UNC13C: variants seen among roughly 807,000 people sequenced by gnomAD.
The protein encoded by UNC13C is unc-13 homolog C, also known as protein unc-13 homolog C.
A neutral mutation model predicts 245.4 loss-of-function variants in UNC13C; 174 were observed. The ratio of observed to expected loss-of-function variants is 0.71; its 90% confidence interval spans 0.63 to 0.80. The LOEUF is 0.80. Among genes scored for constraint, UNC13C ranks in the 30% least tolerant of loss-of-function variants. The pLI is 0.00. For missense variants in UNC13C, 2,829 were observed against 2,602.9 expected (o/e 1.09, Z -1.89); for synonymous variants, 992 against 895.1 (o/e 1.11, Z -1.93).
intron 29 of UNC13C, among the ~76,000 whole-genome samples, chr15:54,558,751 C>T (rs770371296): frequency 5.3e-5 from 8 of 151,796 alleles, no homozygotes; most frequent in Admixed American, 3.9e-4. Flanking sequence ...TCCATTTACC[C>T]GGAAAAGCAA....
At chr15:54,129,726 A>G (rs569942586) in intron 2 of UNC13C, among the ~76,000 whole-genome samples, 2 of 151,650 alleles carry the variant, frequency 1.3e-5, no homozygotes, top group South Asian at 4.2e-4. Context: ...ACTTTTCAAA[A>G]TCTTTACTGT....
intron 16 of UNC13C, 147 bp from the exon 17 acceptor site, chr15:54,338,214 C>A: frequency 1.1e-6 from 1 of 873,340 alleles, no homozygotes. Flanking sequence ...AAAATGTTTA[C>A]ACATTTAAAA....
chr15:54,125,660 A>G (rs1376656591), intron 2 of UNC13C, among the ~76,000 whole-genome samples: 1 of 152,160 alleles, frequency 6.6e-6, no homozygotes, highest in Admixed American at 6.5e-5. Context: ...TAAGTCTCAA[A>G]CAATATTTGT....
chr15:54,442,645 T>A (rs966702659), intron 19 of UNC13C, among the ~76,000 whole-genome samples: 1 of 152,172 alleles, frequency 6.6e-6, no homozygotes, highest in Non-Finnish European at 1.5e-5. Flanking sequence ...TTGAGAAGAT[T>A]TATCATGAAA....
intron 10 of UNC13C, among the ~76,000 whole-genome samples, chr15:54,278,782 CT>C (rs1248950932): frequency 6.6e-6 from 1 of 152,068 alleles, no homozygotes; most frequent in East Asian, 1.9e-4. Context: ...ACATTTGACC[CT>C]TTTGACCTAT....
the UNC13C span, among the ~76,000 whole-genome samples, chr15:53,852,769 TTCTA>T: frequency 1.3e-5 from 2 of 152,196 alleles, no homozygotes; most frequent in African/African-American, 2.4e-5. Flanking sequence ...AGTGTTTATT[TTCTA>T]TCTATTTTTT....
chr15:54,486,548 T>A (rs1277549578), intron 19 of UNC13C, among the ~76,000 whole-genome samples: 2 of 152,134 alleles, frequency 1.3e-5, no homozygotes, highest in Admixed American at 6.6e-5. Flanking sequence ...AAATCCACAT[T>A]TTAGTCCTTA....
chr15:54,161,857 AGAATGGTTT>A (rs2032990404), intron 4 of UNC13C, among the ~76,000 whole-genome samples: 2 of 152,052 alleles, frequency 1.3e-5, no homozygotes, highest in Non-Finnish European at 2.9e-5. Flanking sequence ...CTGAGGCAGG[AGAATGGTTT>A]GAACCTGGGA....
At position 54,297,808 on chromosome 15, in the gene UNC13C, C is replaced by T. The variant is rs375279972; in HGVS notation, c.3989-3C>T. ...CTGACCAATTGCCTTTTTGCTTTAT[C>T]AGAGAAAAGGACAGATAAGTCAGCT... is the stretch of plus-strand genomic sequence containing the variant. On this transcript the variant is annotated splice_polypyrimidine_tract_variant and splice_region_variant and intron_variant, in intron 11 of 32. Transcript: ENST00000260323. 2.5e-5 allele frequency: 40 copies of T among 1,592,368 alleles called. No individual in the cohort carries two copies. Among genetic ancestry groups the T allele is most frequent in the African/African-American group, 4.0e-5 (3 of 74,268 alleles).
chr15:54,146,100 G>A (rs1426604882), intron 4 of UNC13C, among the ~76,000 whole-genome samples: 1 of 152,074 alleles, frequency 6.6e-6, no homozygotes, highest in African/African-American at 2.4e-5. Flanking sequence ...GTTTACATAT[G>A]AGCCTTCAAT....
chr15:54,205,697 C>T (rs1403694335), intron 4 of UNC13C, among the ~76,000 whole-genome samples: 2 of 151,952 alleles, frequency 1.3e-5, no homozygotes, highest in African/African-American at 4.8e-5. Context: ...AAAGCATTGT[C>T]CTGTCATCTT....
chr15:54,200,496 T>C (rs1180577382), intron 4 of UNC13C, among the ~76,000 whole-genome samples: 1 of 151,622 alleles, frequency 6.6e-6, no homozygotes, highest in Non-Finnish European at 1.5e-5. Context: ...CAGAACCCAG[T>C]GGAATAAAAT....
chr15:53,979,803 T>A (rs1893852739), intron 1 of UNC13C, among the ~76,000 whole-genome samples: 1 of 152,198 alleles, frequency 6.6e-6, no homozygotes, highest in African/African-American at 2.4e-5. Context: ...GCTAAAATTG[T>A]AAGTTTATAT....
In UNC13C at chr15:54,076,205, C is replaced by T. The variant is rs575740113; in HGVS notation, c.2983+60319C>T. On this transcript the variant is annotated intron_variant, in intron 2 of 32. Transcript: ENST00000260323. ...CATGTGCCATGCTGGTGCGCTGCAC[C>T]CACTAACTCGTCATCTAGCATTAGG... is the stretch of plus-strand genomic sequence containing the variant. 6.4e-3 allele frequency among the ~76,000 whole-genome samples: 952 copies of T among 149,734 alleles called. 15 individuals are homozygous for T. The highest frequency in any genetic ancestry group is 0.023 in the African/African-American group (921 of 40,778).
chr15:53,905,294 A>G, the UNC13C span, among the ~76,000 whole-genome samples: 1 of 152,038 alleles, frequency 6.6e-6, no homozygotes, highest in Non-Finnish European at 1.5e-5. Context: ...CAAGATATAG[A>G]AACAATCTAA....
At chr15:54,622,817 G>A (rs759301217) in intron 31 of UNC13C, among the ~76,000 whole-genome samples, 8 of 151,976 alleles carry the variant, frequency 5.3e-5, no homozygotes, top group Admixed American at 5.3e-4. Context: ...GGCTCAATTT[G>A]TTGGTTTTAC....
chr15:53,929,003 T>A, the UNC13C span, among the ~76,000 whole-genome samples: 1 of 152,210 alleles, frequency 6.6e-6, no homozygotes, highest in Non-Finnish European at 1.5e-5. Context: ...ATAGGGATTG[T>A]ATTAGTCTGT....
chr15:53,885,813 A>T, the UNC13C span, among the ~76,000 whole-genome samples: 9 of 152,194 alleles, frequency 5.9e-5, no homozygotes, highest in Non-Finnish European at 1.3e-4. Flanking sequence ...ATGCTGACAC[A>T]AATAAGTTTG....
chr15:54,454,262 A>G (rs1891346933), intron 19 of UNC13C, among the ~76,000 whole-genome samples: 1 of 152,116 alleles, frequency 6.6e-6, no homozygotes, highest in Admixed American at 6.6e-5. Flanking sequence ...CATCCCCAAG[A>G]GAAACTCTGT....
Sources: gnomAD v4.1 joint callset for allele counts (sites outside exome capture counted in the v4.1 genomes callset) on GRCh38, gnomAD v4.1.1 for gene constraint, MANE v1.5 for transcripts, NCBI Gene and HGNC (gene_info 2026-07-23, HGNC 2026-07-21) for gene names.